Variants in ATP8B4 observed in about 807,000 individuals in gnomAD.
ATP8B4 encodes ATPase phospholipid transporting 8B4 (putative).
ATP8B4 carries 133 observed loss-of-function variants against 145.6 expected under a neutral mutation model. The ratio of observed to expected loss-of-function variants is 0.91; its 90% CI spans 0.79 to 1.05. ATP8B4 has a LOEUF of 1.05. Among genes scored for constraint, ATP8B4 ranks in the 50% least tolerant of loss-of-function variants. The pLI is 0.00. For synonymous variants in ATP8B4, 507 were observed against 492.9 expected, an observed-to-expected ratio of 1.03 and a Z score of -0.38; for missense variants, 1,458 against 1,425.2, an observed-to-expected ratio of 1.02 and a Z score of -0.37.
chr15:50,156,139 A>AAT (rs544470220), intron 1 of ATP8B4, among the ~76,000 whole-genome samples: 10,429 of 33,840 alleles, frequency 0.31, 1,282 homozygotes, highest in African/African-American at 0.38. Flanking sequence ...TATATATATA[A>AAT]ATATATATAT....
chr15:49,928,073 A>G (rs767372410), intron 16 of ATP8B4, among the ~76,000 whole-genome samples: 2 of 152,144 alleles, frequency 1.3e-5, no homozygotes, highest in Non-Finnish European at 2.9e-5. Context: ...TTTCATAAAC[A>G]TTTATAGAAA....
At chr15:50,167,724 A>G (rs771997398) in intron 1 of ATP8B4, among the ~76,000 whole-genome samples, 15 of 152,182 alleles carry the variant, frequency 9.9e-5, no homozygotes, top group Non-Finnish European at 1.8e-4. Flanking sequence ...TTCACAATTG[A>G]CTTGCTGTGT....
At chr15:49,913,999 A>T (rs954953320) in intron 20 of ATP8B4, among the ~76,000 whole-genome samples, 8 of 152,174 alleles carry the variant, frequency 5.3e-5, no homozygotes, top group African/African-American at 1.9e-4. Context: ...TATGGAACCA[A>T]AAAAGAGCCC....
At chr15:49,978,754 AC>A in intron 12 of ATP8B4, among the ~76,000 whole-genome samples, 1 of 144,056 alleles carries the variant, frequency 6.9e-6, no homozygotes, top group Non-Finnish European at 1.5e-5. Flanking sequence ...ACACACACAC[AC>A]ACACACACAC....
intron 16 of ATP8B4, among the ~76,000 whole-genome samples, chr15:49,924,205 C>T (rs78519285): frequency 6.6e-6 from 1 of 152,110 alleles, no homozygotes; most frequent in Non-Finnish European, 1.5e-5. Context: ...CCACCGACAA[C>T]CCCCAGCATA....
intron 1 of ATP8B4, among the ~76,000 whole-genome samples, chr15:50,174,948 C>A (rs901481571): frequency 5.9e-5 from 9 of 152,112 alleles, no homozygotes; most frequent in Non-Finnish European, 1.0e-4. Context: ...AAAATAGGCA[C>A]ATAGATTCAT....
intron 3 of ATP8B4, among the ~76,000 whole-genome samples, chr15:50,071,913 C>G (rs925958153): frequency 6.6e-6 from 1 of 152,118 alleles, no homozygotes; most frequent in Non-Finnish European, 1.5e-5. Flanking sequence ...AGGTGGCATA[C>G]TGAATTCCTA....
At position 49,903,102 on chromosome 15, in the gene ATP8B4, A is replaced by G. The variant is rs551500646; in HGVS notation, c.2142-1863T>C. 2.0e-4 allele frequency among the ~76,000 whole-genome samples: 31 copies of G among 152,204 alleles called. 2 individuals carry two copies. In the South Asian group the frequency reaches 5.4e-3, roughly 26 times the overall value. ...CTGGCTCTGCTGAAATTGTCACTGC[A>G]CTTTCTCTGTACAGGCCAACGTCTC... On this transcript the variant is annotated intron_variant, in intron 20 of 27. Transcript: ENST00000284509.
chr15:49,863,374 C>A (rs1020099909), intron 26 of ATP8B4, among the ~76,000 whole-genome samples: 1 of 152,218 alleles, frequency 6.6e-6, no homozygotes, highest in African/African-American at 2.4e-5. Context: ...TTTACTCACA[C>A]CTCACATACC....
rs186763324 is a variant in ATP8B4 at position 49,906,590 on chromosome 15, C to T, written c.2142-5351G>A. On this transcript the variant is annotated intron_variant, in intron 20 of 27. Coordinates refer to ENST00000284509, the MANE Select transcript of ATP8B4 (RefSeq NM_024837.4). ...CAAATATAGAAGGAGAAAAATACAA[C>T]GAAACTTTTGTTTTTGAGCACCAAA... 1.7e-3 allele frequency among the ~76,000 whole-genome samples: 254 copies of T among 152,236 alleles called. 2 individuals are homozygous for T. The highest frequency in any genetic ancestry group is 2.9e-3 in the Non-Finnish European group (197 of 68,026).
At chr15:49,930,724 T>G (rs2041174498) in intron 16 of ATP8B4, among the ~76,000 whole-genome samples, 1 of 152,096 alleles carries the variant, frequency 6.6e-6, no homozygotes, top group Admixed American at 6.6e-5. Flanking sequence ...CCTGGGCAAG[T>G]TACTCAACCT....
chr15:50,005,317 T>A (rs763042325), intron 7 of ATP8B4, among the ~76,000 whole-genome samples: 9 of 152,196 alleles, frequency 5.9e-5, no homozygotes, highest in Non-Finnish European at 8.8e-5. Context: ...AAAGACATTG[T>A]CCTCATAGGG....
chr15:50,069,673 G>T (rs1331588385), intron 3 of ATP8B4, among the ~76,000 whole-genome samples: 2 of 152,070 alleles, frequency 1.3e-5, no homozygotes, highest in Admixed American at 1.3e-4. Flanking sequence ...TTTTGTTGTT[G>T]TTGTTTGGTT....
chr15:50,096,724 A>G (rs10519257), intron 2 of ATP8B4, among the ~76,000 whole-genome samples: 28,697 of 152,140 alleles, frequency 0.19, 3,171 homozygotes, highest in Middle Eastern at 0.31. Flanking sequence ...CAGTCTCTAC[A>G]ATAATTTCAA....
intron 3 of ATP8B4, among the ~76,000 whole-genome samples, chr15:50,069,709 G>A (rs191764827): frequency 1.1e-3 from 163 of 152,172 alleles, no homozygotes; most frequent in African/African-American, 3.9e-3. Context: ...TGTTTTATTT[G>A]TATTTTGTTT....
intron 1 of ATP8B4, among the ~76,000 whole-genome samples, chr15:50,164,017 C>G (rs1191363311): frequency 1.3e-5 from 2 of 151,942 alleles, no homozygotes; most frequent in East Asian, 3.9e-4. Flanking sequence ...CTGAGTCTCT[C>G]TTCTGGGCAG....
At chr15:49,901,613 G>A (rs2038042585) in intron 20 of ATP8B4, among the ~76,000 whole-genome samples, 1 of 152,128 alleles carries the variant, frequency 6.6e-6, no homozygotes, top group Non-Finnish European at 1.5e-5. Flanking sequence ...TTAAATAATG[G>A]AAAGCACAAG....
chr15:50,101,317 G>T (rs2056338272), intron 2 of ATP8B4, among the ~76,000 whole-genome samples: 3 of 152,080 alleles, frequency 2.0e-5, no homozygotes, highest in Admixed American at 2.0e-4. Context: ...GTGTCATGAT[G>T]TCTACAACAT....
At chr15:50,063,730 A>G (rs1050671551) in intron 3 of ATP8B4, among the ~76,000 whole-genome samples, 9 of 152,160 alleles carry the variant, frequency 5.9e-5, no homozygotes, top group Admixed American at 3.9e-4. Flanking sequence ...CACTTGAAGA[A>G]GTTATAGAAA....
Sources: gnomAD v4.1 joint callset for allele counts (sites outside exome capture counted in the v4.1 genomes callset) on GRCh38, gnomAD v4.1.1 for gene constraint, MANE v1.5 for transcripts, NCBI Gene and HGNC (gene_info 2026-07-23, HGNC 2026-07-21) for gene names.